The following CPEB3 variants were observed in gnomAD, a reference collection of about 807,000 sequenced individuals.
The protein encoded by CPEB3 is cytoplasmic polyadenylation element-binding protein 3.
A neutral mutation model predicts 67.2 loss-of-function variants in CPEB3; 20 were observed. The ratio of observed to expected loss-of-function variants is 0.30; its 90% CI spans 0.21 to 0.43. CPEB3 has a LOEUF of 0.43. CPEB3 is among the 20% of genes least tolerant of loss of function. The probability of loss-of-function intolerance (pLI) is 1.00; values close to 1 mark genes in which losing one functional copy is unlikely to be tolerated. For missense variants in CPEB3, 746 were observed against 968.6 expected, an observed-to-expected ratio of 0.77 and a Z score of 3.05; for synonymous variants, 376 against 393.1, an observed-to-expected ratio of 0.96 and a Z score of 0.51.
chr10:92,284,165 A>T (rs990474930), intron 1 of CPEB3, among the ~76,000 whole-genome samples: 1 of 150,858 alleles, frequency 6.6e-6, no homozygotes, highest in Admixed American at 6.6e-5. Flanking sequence ...TAGCCTCTTG[A>T]CTAGCTGGGA....
intron 1 of CPEB3, among the ~76,000 whole-genome samples, chr10:92,262,879 G>A (rs145019967): frequency 1.3e-5 from 2 of 152,168 alleles, no homozygotes; most frequent in Admixed American, 1.3e-4. Flanking sequence ...GAGCACAGCA[G>A]CGTGATTGTG....
At chr10:92,250,576 T>C (rs1238739273) in intron 1 of CPEB3, among the ~76,000 whole-genome samples, 6 of 152,192 alleles carry the variant, frequency 3.9e-5, no homozygotes, top group Non-Finnish European at 8.8e-5. Flanking sequence ...TTCACATTCA[T>C]TTACTGCTCA....
chr10:92,195,115 A>G (rs1198369310), intron 2 of CPEB3, among the ~76,000 whole-genome samples: 1 of 152,060 alleles, frequency 6.6e-6, no homozygotes, highest in Non-Finnish European at 1.5e-5. Context: ...ATACTAAAGA[A>G]CAGATCAAGT....
intron 1 of CPEB3, among the ~76,000 whole-genome samples, chr10:92,242,610 T>A (rs1851899109): frequency 6.6e-6 from 1 of 152,232 alleles, no homozygotes; most frequent in South Asian, 2.1e-4. Context: ...ATAATTTTAA[T>A]ATCACTCTGC....
intron 7 of CPEB3, among the ~76,000 whole-genome samples, chr10:92,103,537 A>G (rs935776824): frequency 6.6e-6 from 1 of 152,216 alleles, no homozygotes; most frequent in Non-Finnish European, 1.5e-5. Context: ...TGTGCCTACA[A>G]GGCTCCCTGT....
At chr10:92,218,446 C>A (rs1850540289) in intron 2 of CPEB3, among the ~76,000 whole-genome samples, 1 of 152,124 alleles carries the variant, frequency 6.6e-6, no homozygotes, top group Non-Finnish European at 1.5e-5. Flanking sequence ...AAAACAAAAT[C>A]AAAGAGAAAT....
intron 2 of CPEB3, among the ~76,000 whole-genome samples, chr10:92,222,064 T>C (rs947587160): frequency 6.6e-6 from 1 of 152,156 alleles, no homozygotes; most frequent in Admixed American, 6.6e-5. Flanking sequence ...GATTAATCTC[T>C]GTGTTTTATC....
chr10:92,282,131 A>G (rs1842320897), intron 1 of CPEB3, among the ~76,000 whole-genome samples: 1 of 152,194 alleles, frequency 6.6e-6, no homozygotes, highest in Non-Finnish European at 1.5e-5. Context: ...CGACCATTGC[A>G]TGGCCCAGGG....
At chr10:92,056,296 T>C (rs1432271153) in intron 9 of CPEB3, among the ~76,000 whole-genome samples, 1 of 152,116 alleles carries the variant, frequency 6.6e-6, no homozygotes, top group Non-Finnish European at 1.5e-5. Flanking sequence ...ACAGTATTTC[T>C]GGACTGAAAT....
chr10:92,261,598 C>T (rs1219620004), intron 1 of CPEB3, among the ~76,000 whole-genome samples: 3 of 152,124 alleles, frequency 2.0e-5, no homozygotes, highest in Non-Finnish European at 2.9e-5. Context: ...CAGGCGCCCA[C>T]CACAATGTCT....
rs926714899 is a variant in CPEB3 at position 92,046,859 on chromosome 10, G to A, written c.*5353C>T. 6.6e-6 allele frequency: 1 copy of A among 152,226 alleles called. No homozygotes were observed. The highest frequency in any genetic ancestry group is 1.5e-5 in the Non-Finnish European group (1 of 68,036). 9.4% of individuals were successfully genotyped at this position (152,226 alleles called of 1,614,324 possible). ...TCCAAGCCCCAAAGGCAGAAGCTGA[G>A]TAAGGGTTACTAGCAAAAAACAATC... On this transcript the variant is annotated 3_prime_UTR_variant, in exon 10 of 10. Transcript: ENST00000265997.
rs148890719 is a variant in CPEB3 at position 92,063,051 on chromosome 10, G to A, written c.1870-10612C>T. The stretch of plus-strand genomic sequence containing the variant: ...TAAGGATAAGATGGATTGATATGGA[G>A]CCTTAGATGAGTGGCTAGAGAAGTT... On this transcript the variant is annotated intron_variant, in intron 9 of 9. Transcript: ENST00000265997. Among the ~76,000 whole-genome samples the A allele has an allele frequency of 9.2e-4, 140 of 152,346 alleles. 1 individual carries two copies. The highest frequency in any genetic ancestry group is 3.2e-3 in the African/African-American group (134 of 41,586).
chr10:92,141,913 G>A (rs1205308324), intron 6 of CPEB3, among the ~76,000 whole-genome samples: 1 of 151,206 alleles, frequency 6.6e-6, no homozygotes, highest in Non-Finnish European at 1.5e-5. Context: ...AGCTACTCGG[G>A]AGGCTGAGGC....
chr10:92,164,470 C>G (rs1212245114), intron 4 of CPEB3, among the ~76,000 whole-genome samples: 2 of 152,164 alleles, frequency 1.3e-5, no homozygotes, highest in African/African-American at 4.8e-5. Context: ...ATCCCCTCCC[C>G]TAACTCATGG....
chr10:92,059,325 C>CAAAAAATAAAA (rs1554877468), intron 9 of CPEB3, among the ~76,000 whole-genome samples: 1 of 101,230 alleles, frequency 9.9e-6, no homozygotes, highest in Non-Finnish European at 2.0e-5. Flanking sequence ...GAAACTCTGT[C>CAAAAAATAAAA]AAAAAAAAAA....
chr10:92,195,022 C>T (rs7078569), intron 2 of CPEB3, among the ~76,000 whole-genome samples: 15,942 of 146,986 alleles, frequency 0.11, 2,840 homozygotes, highest in African/African-American at 0.38. Context: ...CCAGCCTGGG[C>T]GACAGAGCGA....
chr10:92,183,425 C>T (rs529168719), intron 3 of CPEB3, among the ~76,000 whole-genome samples: 149 of 152,254 alleles, frequency 9.8e-4, no homozygotes, highest in Non-Finnish European at 1.7e-3. Flanking sequence ...AAAACTGTCA[C>T]CAGAACAAGG....
At chr10:92,242,038 G>A (rs1363337027) in intron 1 of CPEB3, among the ~76,000 whole-genome samples, 1 of 152,132 alleles carries the variant, frequency 6.6e-6, no homozygotes, top group African/African-American at 2.4e-5. Flanking sequence ...CAACATATCA[G>A]AAAATGAAAA....
chr10:92,122,888 GA>G (rs1249313628), intron 6 of CPEB3, among the ~76,000 whole-genome samples: 5 of 152,224 alleles, frequency 3.3e-5, no homozygotes, highest in Non-Finnish European at 5.9e-5. Flanking sequence ...TCTGCAGATA[GA>G]TACTGCCTAA....
Sources: gnomAD v4.1 joint callset for allele counts (sites outside exome capture counted in the v4.1 genomes callset) on GRCh38, gnomAD v4.1.1 for gene constraint, MANE v1.5 for transcripts, NCBI Gene and HGNC (gene_info 2026-07-23, HGNC 2026-07-21) for gene names.